The following ARHGEF9 variants were observed in gnomAD, a reference collection of about 807,000 sequenced individuals.
ARHGEF9 encodes Cdc42 guanine nucleotide exchange factor 9, also known as rho guanine nucleotide exchange factor 9.
A neutral mutation model predicts 41.3 loss-of-function variants in ARHGEF9; 2 were observed. The observed-to-expected ratio is 0.05, with a 90% confidence interval of 0.02 to 0.15. The LOEUF (loss-of-function observed/expected upper bound fraction) is 0.15. Among genes scored for constraint, ARHGEF9 ranks in the 10% least tolerant of loss-of-function variants. The pLI is 1.00. For missense variants in ARHGEF9, 225 were observed against 424.7 expected (o/e 0.53, Z 4.13); for synonymous variants, 160 against 154.4 (o/e 1.04, Z -0.27).
chrX:63,665,941 C>T lies in ARHGEF9; in HGVS notation c.1022G>A (p.Arg341His), dbSNP rs1556347347. 5 of 1,208,569 alleles carry T rather than the reference C, an allele frequency of 4.1e-6. No individual in the cohort carries two copies. The highest frequency in any genetic ancestry group is 1.8e-5 in the African/African-American group (1 of 56,917). ...EMAWIYQPYG[R>H]NQQRVFFLFD... ...CAGGAAGAAGACCCGCTGCTGGTTG[C>T]GGCCGTAGGGCTGGTAGATCCAGGC... The change falls in exon 7 of 10, where the codon CGC (arginine) becomes CAC (histidine). Residue 341 changes from arginine (R) to histidine (H), a missense_variant. Transcript: ENST00000671741.
chrX:63,716,804 A>T (rs1556410481), intron 2 of ARHGEF9, among the ~76,000 whole-genome samples: 1 of 111,146 alleles, frequency 9.0e-6, no homozygotes, highest in Non-Finnish European at 1.9e-5. Flanking sequence ...GAGGGACCTT[A>T]CCCACTGCGC....
chrX:63,684,975 G>A (rs782488982), intron 4 of ARHGEF9, among the ~76,000 whole-genome samples: 13 of 109,690 alleles, frequency 1.2e-4, no homozygotes, highest in African/African-American at 2.6e-4. Context: ...AGAGGTGAGG[G>A]GGTGGGAGAA....
At chrX:63,647,352 A>G (rs2147168799) in intron 8 of ARHGEF9, among the ~76,000 whole-genome samples, 1 of 111,828 alleles carries the variant, frequency 8.9e-6, no homozygotes, top group East Asian at 2.8e-4. Context: ...ATTCGGTATG[A>G]TATCGGCTGT....
chrX:63,767,296 G>T, intron 1 of ARHGEF9: 1 of 641,601 alleles, frequency 1.6e-6, no homozygotes, highest in Non-Finnish European at 2.5e-6. Flanking sequence ...TCCAGATCTT[G>T]TAGAAAATTT....
intron 8 of ARHGEF9, among the ~76,000 whole-genome samples, chrX:63,649,889 A>T (rs1374127645): frequency 2.7e-5 from 3 of 111,771 alleles, no homozygotes; most frequent in African/African-American, 9.7e-5. Context: ...GTCTAAAATG[A>T]TTTTCTGATT....
Position 63,785,179 on chromosome X carries a change from G to T in ARHGEF9, c.-34C>A, listed in dbSNP as rs782016092. 13 of 1,160,607 alleles carry T rather than the reference G, an allele frequency of 1.1e-5. No homozygotes were observed. The South Asian group carries it at 2.3e-4, about 21-fold the overall frequency. On this transcript the variant is annotated 5_prime_UTR_variant, in exon 1 of 10. Transcript: ENST00000671741. ...CGAAGTCCGGCTTCTCTGAGGCCCCGTAGCTGGCGCGAGTTGTCGCGGGCT... is the reference window on the plus strand; with the variant it reads ...CGAAGTCCGGCTTCTCTGAGGCCCCTTAGCTGGCGCGAGTTGTCGCGGGCT...
Position 63,635,379 on chromosome X carries a change from C to T in ARHGEF9, c.*2649G>A, listed in dbSNP as rs2147103309. The T allele has an allele frequency of 3.8e-6, 2 of 522,455 alleles. No individual in the cohort carries two copies. The highest frequency in any genetic ancestry group is 2.7e-5 in the Admixed American group (1 of 36,935). 43.1% of individuals were successfully genotyped at this position (522,455 alleles called of 1,213,427 possible). On this transcript the variant is annotated 3_prime_UTR_variant, in exon 10 of 10. Coordinates refer to ENST00000671741, the MANE Select transcript of ARHGEF9 (RefSeq NM_001353921.2). ...TAGCAAAGCCTTTTGGAGAGCAAAT[C>T]CTGGCCTCACTGAGTTGAGGAAAAG...
At chrX:63,646,436 C>A (rs2048074640) in intron 8 of ARHGEF9, among the ~76,000 whole-genome samples, 1 of 111,933 alleles carries the variant, frequency 8.9e-6, no homozygotes, top group African/African-American at 3.2e-5. Flanking sequence ...CCAGTTTCAG[C>A]TTTCTCCATA....
intron 3 of ARHGEF9, among the ~76,000 whole-genome samples, chrX:63,702,505 C>T (rs1421409787): frequency 6.2e-5 from 7 of 112,351 alleles, no homozygotes; most frequent in Non-Finnish European, 1.3e-4. Flanking sequence ...TTTCCTACTT[C>T]TTCATTTGTA....
intron 5 of ARHGEF9, among the ~76,000 whole-genome samples, chrX:63,676,807 TTAAG>T (rs1483558372): frequency 8.9e-6 from 1 of 112,605 alleles, no homozygotes. Context: ...TTAATCAAAA[TTAAG>T]TAAAATTTAA....
chrX:63,690,883 CT>C (rs1254427153), intron 4 of ARHGEF9, among the ~76,000 whole-genome samples: 4 of 111,923 alleles, frequency 3.6e-5, no homozygotes, highest in Non-Finnish European at 7.5e-5. Context: ...AGGACAAAAC[CT>C]GTATGATCAC....
intron 8 of ARHGEF9, among the ~76,000 whole-genome samples, chrX:63,648,596 A>G (rs1237564052): frequency 9.0e-6 from 1 of 111,556 alleles, no homozygotes; most frequent in Non-Finnish European, 1.9e-5. Context: ...ATTCACACAT[A>G]ACAATACTAA....
Position 63,697,143 on chromosome X carries a change from T to A in ARHGEF9, c.564A>T (p.Gly188=), listed in dbSNP as rs782187939. The change falls in exon 4 of 10, where the codon GGA becomes GGT. Residue 188 remains glycine, a synonymous_variant. Transcript: ENST00000671741. ...NNDDPHLSEI[G]PCFLEHQDGF... ...TACTTACGTGCTCTAGGAAGCAGGG[T>A]CCTATCTCGCTGAGGTGGGGGTCAT... 5 of 1,210,089 alleles carry A rather than the reference T, an allele frequency of 4.1e-6. No individual in the cohort carries two copies. In the South Asian group the frequency reaches 7.1e-5, roughly 17 times the overall value.
chrX:63,680,213 C>T lies in ARHGEF9; in HGVS notation c.583-1641G>A, dbSNP rs1425267158. Among the ~76,000 whole-genome samples the T allele has an allele frequency of 4.5e-5, 5 of 111,903 alleles. No homozygotes were observed. In the Admixed American group the frequency reaches 4.7e-4, roughly 11 times the overall value. The stretch of plus-strand genomic sequence containing the variant: ...CAACAATTTGGTAGCTATCCATGAA[C>T]AAAAAATAATTCTGGAAAAGCTTAG... On this transcript the variant is annotated intron_variant, in intron 4 of 9. Coordinates refer to ENST00000671741, the MANE Select transcript of ARHGEF9 (RefSeq NM_001353921.2).
chrX:63,694,955 G>T (rs1556386044), intron 4 of ARHGEF9, among the ~76,000 whole-genome samples: 1 of 112,533 alleles, frequency 8.9e-6, no homozygotes, highest in East Asian at 2.8e-4. Context: ...CATTAAAAGA[G>T]ATAACACACA....
At chrX:63,644,759 ATTATTTT>A (rs781891822) in intron 8 of ARHGEF9, among the ~76,000 whole-genome samples, 2 of 96,583 alleles carry the variant, frequency 2.1e-5, no homozygotes, top group Non-Finnish European at 3.9e-5. Flanking sequence ...TATTATTATT[ATTATTTT>A]TTTTTTTTTT....
chrX:63,777,000 G>A (rs782504656), intron 1 of ARHGEF9, among the ~76,000 whole-genome samples: 9 of 111,592 alleles, frequency 8.1e-5, no homozygotes, highest in Non-Finnish European at 1.3e-4. Context: ...ATCTCCTCCC[G>A]CTAAATCCTC....
chrX:63,686,078 G>A (rs1372206014), intron 4 of ARHGEF9, among the ~76,000 whole-genome samples: 8 of 111,425 alleles, frequency 7.2e-5, no homozygotes, highest in Non-Finnish European at 1.5e-4. Flanking sequence ...CATATTTACC[G>A]CAGCAACATT....
chrX:63,754,392 C>G, intron 1 of ARHGEF9: 7 of 1,200,450 alleles, frequency 5.8e-6, no homozygotes, highest in Non-Finnish European at 7.8e-6. Context: ...TCTCTCTTTC[C>G]CTGTCTCTGT....
Sources: gnomAD v4.1 joint callset for allele counts (sites outside exome capture counted in the v4.1 genomes callset) on GRCh38, gnomAD v4.1.1 for gene constraint, MANE v1.5 for transcripts, NCBI Gene and HGNC (gene_info 2026-07-23, HGNC 2026-07-21) for gene names.